The following TTN variants were observed in gnomAD, a reference collection of about 807,000 sequenced individuals.
The protein encoded by TTN is connectin.
TTN carries 1,525 observed loss-of-function variants against 3,223.0 expected under a neutral mutation model. The ratio of observed to expected loss-of-function variants is 0.47; its 90% CI spans 0.45 to 0.49. The LOEUF (loss-of-function observed/expected upper bound fraction) is 0.49. Ranked by LOEUF, TTN falls within the 20% of genes least tolerant of loss-of-function variation. The pLI is 0.00. For synonymous variants in TTN, 14,094 were observed against 15,161.0 expected, an observed-to-expected ratio of 0.93 and a Z score of 5.17; for missense variants, 40,786 against 43,424.0, an observed-to-expected ratio of 0.94 and a Z score of 5.40.
At position 178,532,215 on chromosome 2, in the gene TTN, TC is replaced by T. The variant is rs747662439; in HGVS notation, c.104399del (p.Arg34800LysfsTer10). 4.3e-6 allele frequency: 7 copies of T among 1,613,470 alleles called. No individual in the cohort carries two copies. Among genetic ancestry groups the T allele is most frequent in the Non-Finnish European group, 3.4e-6 (4 of 1,179,872 alleles). On this transcript the variant is annotated frameshift_variant, in exon 358 of 363. Transcript: ENST00000589042. LOFTEE classifies it high-confidence loss of function. ...LDFMSKEEKS[R>X]KKSRRQREVT... ...CTTCTCTTTGTCGCCTTGATTTCTT[TC>T]TAGACTTTTCCTCCTTTGACATGAA...
rs538803040 is a variant in TTN, at chr2:178,782,776, C to T, written c.3100+30G>A. The T allele has an allele frequency of 2.1e-5, 34 of 1,612,074 alleles. No individual in the cohort carries two copies. The East Asian group carries it at 3.3e-4, about 16-fold the overall frequency. ...TGTCAGATGAAAGTGATGGCATGTGCATTAGGACTGTGGGAGGGTGGCCAC... is the reference window on the plus strand; with the variant it reads ...TGTCAGATGAAAGTGATGGCATGTGTATTAGGACTGTGGGAGGGTGGCCAC... On this transcript the variant is annotated intron_variant, in intron 18 of 362. Transcript: ENST00000589042.
Position 178,630,878 on chromosome 2 carries a change from A to G in TTN, c.44080T>C (p.Phe14694Leu). The change falls in exon 238 of 363, where the codon TTT becomes CTT. Residue 14694 changes from phenylalanine to leucine, a missense_variant. Coordinates refer to ENST00000589042, the MANE Select transcript of TTN (RefSeq NM_001267550.2). Reference protein sequence around the residue: ...VEVMETETARFETEISEDDIH... With the variant: ...VEVMETETARLETEISEDDIH... ...TCATCTTCAGAGATTTCGGTTTCAA[A>G]GCGTGCTGTCTCAGTCTCCATCACC... The G allele has an allele frequency of 6.2e-7, 1 of 1,613,324 alleles. No individual in the cohort carries two copies.
In TTN at chr2:178,552,155, G is replaced by C. The variant is rs751971702; in HGVS notation, c.90745C>G (p.Pro30249Ala). ...ATTTCTCCTCCTCCATTATCTTCAGGTACATCCCATGACAGGATGACACTA... is the reference window on the plus strand; with the variant it reads ...ATTTCTCCTCCTCCATTATCTTCAGCTACATCCCATGACAGGATGACACTA... Reference protein sequence around the residue: ...ADSVILSWDVPEDNGGGEITC... With the variant: ...ADSVILSWDVAEDNGGGEITC... The change falls in exon 335 of 363, where the codon CCT (proline) becomes GCT (alanine). Residue 30249 changes from proline (P) to alanine (A), a missense_variant. Pro to Ala is a conservative substitution (Grantham distance 27). Coordinates refer to ENST00000589042, the MANE Select transcript of TTN (RefSeq NM_001267550.2). 3 of 1,613,514 alleles carry C rather than the reference G, an allele frequency of 1.9e-6. No individual in the cohort carries two copies. The highest frequency in any genetic ancestry group is 1.3e-5 in the African/African-American group (1 of 74,842).
chr2:178,715,591 T>G lies in TTN; in HGVS notation c.25823A>C (p.Glu8608Ala). 1 of 1,613,672 alleles carries G rather than the reference T, an allele frequency of 6.2e-7. No homozygotes were observed. The highest frequency in any genetic ancestry group is 8.5e-7 in the Non-Finnish European group (1 of 1,179,682). Residue 8608 changes from glutamate (E) to alanine (A), a missense_variant, in exon 89 of 363, where the codon GAA becomes GCA. Transcript: ENST00000589042. The part of the protein sequence containing the change: ...MSFVDSVAVL[E>A]MHNLSVEDSG... ...GTCTTCAACACTGAGATTGTGCATT[T>G]CCAGCACAGCCACCGAGTCAACGAA...
rs869312060 is a variant in TTN, at chr2:178,563,618, AT to A, written c.82513del (p.Ile27505PhefsTer20). The A allele has an allele frequency of 6.2e-7, 1 of 1,613,678 alleles. No homozygotes were observed. The highest frequency in any genetic ancestry group is 8.5e-7 in the Non-Finnish European group (1 of 1,179,762). ...DDGGTEIEGY[I>X]LEKRDKEGVR... is the part of the protein sequence containing the mutation. Reference sequence around the variant, plus strand: ...GCCTTCCTTATCTCGTTTTTCAAGAATGTAGCCCTCAATTTCGGTACCTCCG... The same window carrying A: ...GCCTTCCTTATCTCGTTTTTCAAGAAGTAGCCCTCAATTTCGGTACCTCCG... On this transcript the variant is annotated frameshift_variant, in exon 326 of 363. Transcript: ENST00000589042. LOFTEE classifies it high-confidence loss of function. The surrounding 1 kb of genome is among the most constrained non-coding windows in gnomAD (Gnocchi z 4.5).
intron 168 of TTN, 35 bp downstream of exon 168, chr2:178,664,425 A>C: frequency 2.0e-6 from 3 of 1,523,950 alleles, no homozygotes; most frequent in Non-Finnish European, 2.7e-6. Flanking sequence ...CGCCCCACCC[A>C]CTATCCCACC....
In TTN at chr2:178,720,062, T is replaced by C. The variant is rs2078110546; in HGVS notation, c.23580A>G (p.Ala7860=). 6.8e-6 allele frequency: 11 copies of C among 1,613,558 alleles called. No individual in the cohort carries two copies. Among genetic ancestry groups the C allele is most frequent in the Non-Finnish European group, 9.3e-6 (11 of 1,179,696 alleles). The part of the protein sequence containing the change: ...IATLQLGSPE[A]SNSGKYICQI... Reference sequence around the variant, plus strand: ...GGCATATATATTTTCCAGAATTAGATGCTTCTGGACTCCCCAGCTGGAGGG... The same window carrying C: ...GGCATATATATTTTCCAGAATTAGACGCTTCTGGACTCCCCAGCTGGAGGG... Residue 7860 remains alanine, a synonymous_variant, in exon 81 of 363, where the codon GCA becomes GCG. Transcript: ENST00000589042.
At chr2:178,647,543 G>A (rs2062215600) in intron 213 of TTN, 79 bp from the exon 214 acceptor site, 2 of 1,360,746 alleles carry the variant, frequency 1.5e-6, no homozygotes, top group Non-Finnish European at 2.0e-6. Context: ...AAAGAATGCA[G>A]GGGCAAGAGC....
intron 130 of TTN, 77 bp downstream of exon 130, chr2:178,684,829 G>C: frequency 6.4e-7 from 1 of 1,552,592 alleles, no homozygotes; most frequent in Admixed American, 1.9e-5. Flanking sequence ...TCTGGTTAAT[G>C]TTTAAAAAAT....
intron 242 of TTN, among the ~76,000 whole-genome samples, chr2:178,624,013 TTC>T (rs1418713699): frequency 2.6e-5 from 4 of 151,964 alleles, no homozygotes; most frequent in Admixed American, 2.0e-4. Context: ...TATGCTCCTA[TTC>T]AGACTGAAAT....
rs1403452380 is a variant in TTN at position 178,554,952 on chromosome 2, C to A, written c.88507G>T (p.Ala29503Ser). ...TDLASILIKD[A>S]DRLNSGCYEL... is the part of the protein sequence containing the mutation. ...TAGCATCCACTATTAAGGCGATCGG[C>A]ATCTTTGATGAGTATAGATGCGAGG... Residue 29503 changes from alanine (A) to serine (S), a missense_variant, in exon 331 of 363, where the codon GCC becomes TCC. Ala to Ser is a moderately conservative substitution (Grantham distance 99). Transcript: ENST00000589042. 1 of 1,613,672 alleles carries A rather than the reference C, an allele frequency of 6.2e-7. No individual in the cohort carries two copies. Among genetic ancestry groups the A allele is most frequent in the African/African-American group, 1.3e-5 (1 of 74,930 alleles).
rs1559986831 is a variant in TTN, at chr2:178,635,944, C to T, written c.41608+19G>A. On this transcript the variant is annotated intron_variant, in intron 226 of 362. Transcript: ENST00000589042. ...AGTGTAACAATAAGCAGAACGAAAT[C>T]TCCCAGGAAAGTACTAACCTACTAC... The T allele has an allele frequency of 6.4e-7, 1 of 1,560,110 alleles. No individual in the cohort carries two copies. The highest frequency in any genetic ancestry group is 2.3e-5 in the East Asian group (1 of 44,286).
intron 106 of TTN, among the ~76,000 whole-genome samples, chr2:178,703,775 A>G (rs1025248960): frequency 2.0e-5 from 3 of 152,200 alleles, no homozygotes; most frequent in Non-Finnish European, 4.4e-5. Context: ...AGTCCTATAA[A>G]CAAAATATCA....
intron 278 of TTN, 125 bp downstream of exon 278, chr2:178,606,895 CT>C: frequency 9.4e-7 from 1 of 1,068,924 alleles, no homozygotes; most frequent in Non-Finnish European, 1.3e-6. Flanking sequence ...TTTTGATTTA[CT>C]TTTCTTATTA....
chr2:178,612,750 C>A (rs576760143), intron 265 of TTN, 23 bp downstream of exon 265: 1 of 1,589,770 alleles, frequency 6.3e-7, no homozygotes, highest in South Asian at 1.2e-5. Context: ...ATTTATATAT[C>A]CCAGACATCA....
intron 3 of TTN, among the ~76,000 whole-genome samples, 184 bp downstream of exon 3, chr2:178,801,954 C>G (rs551467389): frequency 2.6e-4 from 40 of 152,296 alleles, no homozygotes; most frequent in African/African-American, 9.4e-4. Context: ...ACGATGTACT[C>G]TAGAGGAAAA....
Position 178,568,221 on chromosome 2 carries a change from A to G in TTN, c.77911T>C (p.Tyr25971His), listed in dbSNP as rs1432174919. The G allele has an allele frequency of 9.3e-6, 15 of 1,613,476 alleles. No individual in the cohort carries two copies. The highest frequency in any genetic ancestry group is 1.1e-5 in the Non-Finnish European group (13 of 1,179,598). ...YQFRIFAENR[Y>H]GQSFALESDP... is the part of the protein sequence containing the mutation. ...GACTCTAAGGCAAAGCTTTGTCCAT[A>G]TCTGTTTTCGGCAAATATTCTAAAT... Residue 25971 changes from tyrosine to histidine, a missense_variant, in exon 326 of 363, where the codon TAT becomes CAT. Tyr to His is a moderately conservative substitution (Grantham distance 83). Transcript: ENST00000589042.
chr2:178,735,628 C>T lies in TTN; in HGVS notation c.14818G>A (p.Asp4940Asn), dbSNP rs763015586. The change falls in exon 50 of 363, where the codon GAT becomes AAT. Residue 4940 changes from aspartate to asparagine, a missense_variant. Coordinates refer to ENST00000589042, the MANE Select transcript of TTN (RefSeq NM_001267550.2). The stretch of plus-strand genomic sequence containing the variant: ...GGAATCTCAAGTGTTGCTATTTTAT[C>T]TTCAAAACAGATCTTATAATCTTTC... ...PGKDYKICFEDKIATLEIPLA... is the reference protein window; with the variant it reads ...PGKDYKICFENKIATLEIPLA... The T allele has an allele frequency of 1.2e-6, 2 of 1,613,682 alleles. No homozygotes were observed. Among genetic ancestry groups the T allele is most frequent in the South Asian group, 1.1e-5 (1 of 91,074 alleles).
In TTN at chr2:178,605,038, C is replaced by T. The variant is rs760705006; in HGVS notation, c.54139G>A (p.Ala18047Thr). The stretch of plus-strand genomic sequence containing the variant: ...AACACTGAGCCAAGGCGATTGGAAG[C>T]AGTAACTGTGTAAGTGCCTTTGTCC... ...REDKGTYTVTASNRLGSVFRN... is the reference protein window; with the variant it reads ...REDKGTYTVTTSNRLGSVFRN... Residue 18047 changes from alanine to threonine, a missense_variant, in exon 280 of 363, where the codon GCT becomes ACT. Ala to Thr is a moderately conservative substitution (Grantham distance 58). Coordinates refer to ENST00000589042, the MANE Select transcript of TTN (RefSeq NM_001267550.2). 6.2e-7 allele frequency: 1 copy of T among 1,609,812 alleles called. No individual in the cohort carries two copies. Among genetic ancestry groups the T allele is most frequent in the East Asian group, 2.2e-5 (1 of 44,750 alleles).
Sources: allele counts gnomAD v4.1 joint callset (sites outside exome capture counted in the v4.1 genomes callset), GRCh38; gene constraint gnomAD v4.1.1; non-coding constraint Gnocchi (gnomAD v3.1); transcripts MANE v1.5; gene names NCBI Gene and HGNC (gene_info 2026-07-23, HGNC 2026-07-21).